Variants in SALL4 observed in about 807,000 individuals in gnomAD.
SALL4 encodes the protein sal-like protein 4.
Under a neutral mutation model 60.8 loss-of-function variants are expected in SALL4, and 4 were observed. The observed-to-expected ratio is 0.07, with a 90% CI of 0.03 to 0.15. The LOEUF (loss-of-function observed/expected upper bound fraction) is 0.15. Ranked by LOEUF, SALL4 falls within the 10% of genes least tolerant of loss-of-function variation. The pLI is 1.00. For synonymous variants in SALL4, 580 were observed against 574.9 expected (o/e 1.01, Z -0.13); for missense variants, 1,178 against 1,394.7 (o/e 0.84, Z 2.48).
chr20:51,798,420 C>T (rs1477419099), intron 1 of SALL4, among the ~76,000 whole-genome samples: 1 of 149,676 alleles, frequency 6.7e-6, no homozygotes, highest in African/African-American at 2.5e-5. Context: ...CCAGAGCCCC[C>T]CTGAACAAAT....
chr20:51,794,773 A>G (rs1225010706), intron 1 of SALL4, among the ~76,000 whole-genome samples: 1 of 152,240 alleles, frequency 6.6e-6, no homozygotes, highest in Non-Finnish European at 1.5e-5. Flanking sequence ...CACAGAGGAC[A>G]TGAACTTGCC....
At position 51,782,600 on chromosome 20, in the gene SALL4, G is replaced by GC. The variant is rs1368876685; in HGVS notation, c.*1664dup. 6.7e-6 allele frequency: 1 copy of GC among 150,008 alleles called. No individual in the cohort carries two copies. The highest frequency in any genetic ancestry group is 1.5e-5 in the Non-Finnish European group (1 of 67,760). 9.3% of individuals were successfully genotyped at this position (150,008 alleles called of 1,614,324 possible). On this transcript the variant is annotated 3_prime_UTR_variant, in exon 4 of 4. Coordinates refer to ENST00000217086, the MANE Select transcript of SALL4 (RefSeq NM_020436.5). Reference sequence around the variant, plus strand: ...GGGGGGCGGAATCCTAAAGTCAGGTGCAACGATGAAGAGACAACACTTTGG... The same window carrying GC: ...GGGGGGCGGAATCCTAAAGTCAGGTGCCAACGATGAAGAGACAACACTTTGG...
chr20:51,799,961 AT>A (rs2078100054), intron 1 of SALL4, among the ~76,000 whole-genome samples: 1 of 152,190 alleles, frequency 6.6e-6, no homozygotes, highest in South Asian at 2.1e-4. Context: ...TCTAAGTTAG[AT>A]ATGTATGTCT....
intron 1 of SALL4, among the ~76,000 whole-genome samples, chr20:51,795,973 T>C (rs1401180203): frequency 4.6e-5 from 7 of 152,010 alleles, no homozygotes; most frequent in Non-Finnish European, 8.8e-5. Flanking sequence ...GGTGGGTGGA[T>C]CACCTGGGTT....
intron 1 of SALL4, among the ~76,000 whole-genome samples, chr20:51,795,480 C>T (rs1490053283): frequency 3.3e-5 from 5 of 152,178 alleles, no homozygotes; most frequent in Non-Finnish European, 5.9e-5. Context: ...ATCTGGGAAC[C>T]GCCAACTCTC....
chr20:51,802,217 C>G (rs1251171571), intron 1 of SALL4, 62 bp downstream of exon 1: 9 of 1,523,068 alleles, frequency 5.9e-6, no homozygotes, highest in Middle Eastern at 2.4e-4. Context: ...CCTGCGCCCT[C>G]GAGGATCCCG....
Position 51,789,082 on chromosome 20 carries a change from C to T in SALL4, c.2521G>A (p.Val841Ile). ...GAGGGTCCCACAAATGTGCCAGGAACTTCAACCTTGACATAGGTCGGCGGG... is the reference window on the plus strand; with the variant it reads ...GAGGGTCCCACAAATGTGCCAGGAATTTCAACCTTGACATAGGTCGGCGGG... Reference protein sequence around the residue: ...RAPPTYVKVEVPGTFVGPSTL... With the variant: ...RAPPTYVKVEIPGTFVGPSTL... The change falls in exon 3 of 4, where the codon GTT (valine) becomes ATT (isoleucine). Residue 841 changes from valine (V) to isoleucine (I), a missense_variant. Around this residue, in one of 5 missense-constraint regions of SALL4, gnomAD observed 853 missense variants for 1,036.8 expected, o/e 0.82. Transcript: ENST00000217086. 3 of 1,614,224 alleles carry T rather than the reference C, an allele frequency of 1.9e-6. No homozygotes were observed. The highest frequency in any genetic ancestry group is 2.2e-5 in the South Asian group (2 of 91,086).
chr20:51,793,114 C>T, intron 1 of SALL4: 1 of 246,706 alleles, frequency 4.1e-6, no homozygotes, highest in Non-Finnish European at 6.5e-6. Flanking sequence ...TGCAGAATTT[C>T]TGTATGCCAC....
rs756063198 is a variant in SALL4, at chr20:51,791,544, G to A, written c.939C>T (p.Phe313=). ...CCCGGGTCCCATCCGGCTTCAGAGT[G>A]AAGGGTGCCAGCCCTGGGGACAGGG... ...TSSLSPGLAP[F]TLKPDGTRVL... is the part of the protein sequence containing the mutation. Residue 313 remains phenylalanine (F), a synonymous_variant, in exon 2 of 4, where the codon TTC becomes TTT. Coordinates refer to ENST00000217086, the MANE Select transcript of SALL4 (RefSeq NM_020436.5). This position sits in a 1 kb window ranked among gnomAD's most constrained non-coding sequence, Gnocchi z 4.6. The A allele has an allele frequency of 2.5e-6, 4 of 1,613,868 alleles. No individual in the cohort carries two copies. Among genetic ancestry groups the A allele is most frequent in the East Asian group, 2.2e-5 (1 of 44,876 alleles).
In SALL4 at chr20:51,791,884, G is replaced by A. The variant is rs771411826; in HGVS notation, c.599C>T (p.Ala200Val). The A allele has an allele frequency of 2.5e-6, 4 of 1,614,020 alleles. No individual in the cohort carries two copies. In the African/African-American group the frequency reaches 5.3e-5, roughly 22 times the overall value. ...GGCACCAGGCACGGGGGCAGGGAGT[G>A]CATCCGCGCTCCGCTGATTCACCGC... is the stretch of plus-strand genomic sequence containing the variant. ...KVAVNQRSADALPAPVPGANS... is the reference protein window; with the variant it reads ...KVAVNQRSADVLPAPVPGANS... Residue 200 changes from alanine (A) to valine (V), a missense_variant, in exon 2 of 4, where the codon GCA becomes GTA. Around this residue, in one of 5 missense-constraint regions of SALL4, gnomAD observed 853 missense variants for 1,036.8 expected, o/e 0.82. Transcript: ENST00000217086. The surrounding 1 kb of genome is among the most constrained non-coding windows in gnomAD (Gnocchi z 4.6).
Position 51,801,679 on chromosome 20 carries a change from C to T in SALL4, c.130+600G>A, listed in dbSNP as rs929107339. On this transcript the variant is annotated intron_variant, in intron 1 of 3. Coordinates refer to ENST00000217086, the MANE Select transcript of SALL4 (RefSeq NM_020436.5). The surrounding 1 kb of genome is among the most constrained non-coding windows in gnomAD (Gnocchi z 5.2). The stretch of plus-strand genomic sequence containing the variant: ...CCCCACCTCTCTGGGCCCTCCAATC[C>T]CCTGCGCAGCGCGGGTGGCCCGCAC... 2 of 152,382 alleles carry T rather than the reference C, an allele frequency of 1.3e-5. No individual in the cohort carries two copies. Among genetic ancestry groups the T allele is most frequent in the African/African-American group, 4.8e-5 (2 of 41,466 alleles). 9.4% of individuals were successfully genotyped at this position (152,382 alleles called of 1,614,324 possible).
Position 51,789,060 on chromosome 20 carries a change from G to C in SALL4, c.2543C>G (p.Pro848Arg). 1 of 1,614,200 alleles carries C rather than the reference G, an allele frequency of 6.2e-7. No individual in the cohort carries two copies. Among genetic ancestry groups the C allele is most frequent in the Non-Finnish European group, 8.5e-7 (1 of 1,180,046 alleles). The change falls in exon 3 of 4, where the codon CCC becomes CGC. Residue 848 changes from proline (P) to arginine (R), a missense_variant. By Grantham distance (103) the Pro-to-Arg change is moderately radical. Coordinates refer to ENST00000217086, the MANE Select transcript of SALL4 (RefSeq NM_020436.5). ...KVEVPGTFVG[P>R]STLSPGMTPL... Reference sequence around the variant, plus strand: ...GGTCATCCCTGGGGACAATGTCGAGGGTCCCACAAATGTGCCAGGAACTTC... The same window carrying C: ...GGTCATCCCTGGGGACAATGTCGAGCGTCCCACAAATGTGCCAGGAACTTC...
chr20:51,796,073 G>A (rs1941654762), intron 1 of SALL4, among the ~76,000 whole-genome samples: 2 of 151,372 alleles, frequency 1.3e-5, no homozygotes, highest in South Asian at 2.1e-4. Flanking sequence ...TGTGCGCATC[G>A]CTGGAATCCC....
intron 1 of SALL4, among the ~76,000 whole-genome samples, chr20:51,795,172 C>T (rs568774381): frequency 6.6e-6 from 1 of 152,126 alleles, no homozygotes; most frequent in Non-Finnish European, 1.5e-5. Context: ...AAATGTTCGG[C>T]CGGGCACGGT....
rs369158623 is a variant in SALL4, at chr20:51,790,224, G to A, written c.2259C>T (p.Ser753=). Residue 753 remains serine (S), a synonymous_variant, in exon 2 of 4, where the codon TCC becomes TCT. Transcript: ENST00000217086. This position sits in a 1 kb window ranked among gnomAD's most constrained non-coding sequence, Gnocchi z 5.5. ...CGTTGGTCAAGCCATCGCTCTCCAC[G>A]GAACCGTTTTCTCTGCTGCCCTGGC... ...LQRQGSRENG[S]VESDGLTNDS... is the part of the protein sequence containing the mutation. The A allele has an allele frequency of 8.7e-6, 14 of 1,613,960 alleles. No individual in the cohort carries two copies. The highest frequency in any genetic ancestry group is 2.2e-5 in the South Asian group (2 of 91,086).
intron 1 of SALL4, among the ~76,000 whole-genome samples, chr20:51,796,946 G>A (rs189596019): frequency 4.3e-4 from 66 of 152,068 alleles, no homozygotes; most frequent in African/African-American, 1.5e-3. Context: ...CATCCCATTG[G>A]TGAAAATATC....
At chr20:51,794,554 A>AAAAT (rs759765458) in intron 1 of SALL4, among the ~76,000 whole-genome samples, 2 of 152,186 alleles carry the variant, frequency 1.3e-5, no homozygotes, top group African/African-American at 4.8e-5. Context: ...TCCATCTCAA[A>AAAAT]AAATAAATAA....
In SALL4 at chr20:51,792,222, G is replaced by A. The variant is rs1286786847; in HGVS notation, c.261C>T (p.Phe87=). 4 of 1,614,026 alleles carry A rather than the reference G, an allele frequency of 2.5e-6. No individual in the cohort carries two copies. Among genetic ancestry groups the A allele is most frequent in the Non-Finnish European group, 3.4e-6 (4 of 1,180,024 alleles). Residue 87 remains phenylalanine, a synonymous_variant, in exon 2 of 4, where the codon TTC becomes TTT. Coordinates refer to ENST00000217086, the MANE Select transcript of SALL4 (RefSeq NM_020436.5). ...TAGTGCAATTTTTCTTATGTTCCAGGAACTCAGAGATGCTGAAGAACTCCG... is the reference window on the plus strand; with the variant it reads ...TAGTGCAATTTTTCTTATGTTCCAGAAACTCAGAGATGCTGAAGAACTCCG... ...CCAEFFSISE[F]LEHKKNCTKN...
At chr20:51,795,323 C>T (rs1316628449) in intron 1 of SALL4, among the ~76,000 whole-genome samples, 1 of 152,120 alleles carries the variant, frequency 6.6e-6, no homozygotes, top group Non-Finnish European at 1.5e-5. Context: ...AGGAGAATGG[C>T]GTGAACCCGG....
Sources: gnomAD v4.1 joint callset for allele counts (sites outside exome capture counted in the v4.1 genomes callset) on GRCh38, gnomAD v4.1.1 for gene constraint, gnomAD v4.1.1 regional missense constraint, Gnocchi (gnomAD v3.1) non-coding constraint, MANE v1.5 for transcripts, NCBI Gene and HGNC (gene_info 2026-07-23, HGNC 2026-07-21) for gene names.